The following IMMP2L variants were observed in gnomAD, a reference collection of about 807,000 sequenced individuals.
The protein encoded by IMMP2L is inner mitochondrial membrane peptidase subunit 2, also known as mitochondrial inner membrane protease subunit 2.
In IMMP2L, 18 loss-of-function variants were observed where a neutral mutation model predicts 19.3. The observed-to-expected ratio is 0.93, with a 90% CI of 0.64 to 1.38. The LOEUF is 1.38. Ranked by LOEUF, IMMP2L falls within the 40% of genes most tolerant of loss-of-function variation. The pLI, the probability that IMMP2L is intolerant of heterozygous loss-of-function variation, is 0.00. For synonymous variants in IMMP2L, 76 were observed against 73.0 expected (o/e 1.04, Z -0.21); for missense variants, 233 against 218.2 (o/e 1.07, Z -0.43).
chr7:111,122,608 T>G, intron 3 of IMMP2L: 1 of 602,406 alleles, frequency 1.7e-6, no homozygotes, highest in Non-Finnish European at 3.0e-6. Flanking sequence ...ACAATGCAAT[T>G]GTGGCACTGG....
At chr7:110,815,023 G>A (rs565134127) in intron 5 of IMMP2L, among the ~76,000 whole-genome samples, 57 of 152,110 alleles carry the variant, frequency 3.7e-4, no homozygotes, top group Middle Eastern at 3.4e-3. Flanking sequence ...GTGAGATGCC[G>A]AGAGAGGGCT....
chr7:110,777,749 T>C (rs1799489720), intron 5 of IMMP2L, among the ~76,000 whole-genome samples: 2 of 152,124 alleles, frequency 1.3e-5, no homozygotes, highest in Admixed American at 6.6e-5. Context: ...AATTTCCATA[T>C]TGACAGTTAC....
intron 3 of IMMP2L, among the ~76,000 whole-genome samples, chr7:111,468,549 G>A (rs1172096083): frequency 6.6e-6 from 1 of 151,998 alleles, no homozygotes; most frequent in African/African-American, 2.4e-5. Context: ...AGAATGTCTA[G>A]AGTTAAAGAT....
chr7:111,456,244 T>A (rs1839665911), intron 3 of IMMP2L, among the ~76,000 whole-genome samples: 1 of 152,004 alleles, frequency 6.6e-6, no homozygotes, highest in African/African-American at 2.4e-5. Context: ...TGGTTTGGTC[T>A]CTAGCAGAAG....
At chr7:111,371,097 A>G (rs1830222850) in intron 3 of IMMP2L, among the ~76,000 whole-genome samples, 1 of 151,948 alleles carries the variant, frequency 6.6e-6, no homozygotes, top group Non-Finnish European at 1.5e-5. Context: ...GGGGCTACAG[A>G]AAGGATACAT....
At chr7:111,397,951 A>AT (rs1484892855) in intron 3 of IMMP2L, among the ~76,000 whole-genome samples, 1 of 152,152 alleles carries the variant, frequency 6.6e-6, no homozygotes, top group Admixed American at 6.5e-5. Flanking sequence ...CTACTATGAA[A>AT]TAATTCATTT....
At chr7:111,176,096 A>G (rs889207807) in intron 3 of IMMP2L, among the ~76,000 whole-genome samples, 1 of 152,006 alleles carries the variant, frequency 6.6e-6, no homozygotes, top group South Asian at 2.1e-4. Context: ...AGTTCAAATG[A>G]CTTTATCTGA....
In IMMP2L at chr7:110,944,472, C is replaced by CGT. The variant is rs994968401; in HGVS notation, c.305+19026_305+19027dup. ...TAGAGTGTGTGTGTGTGCGCGCGCA[C>CGT]GTGTGTGTGTGCGCGTGTGTGTGTA... On this transcript the variant is annotated intron_variant, in intron 4 of 5. Transcript: ENST00000405709. Among the ~76,000 whole-genome samples, 3 of 151,132 alleles carry CGT rather than the reference C, an allele frequency of 2.0e-5. No homozygotes were observed. The Admixed American group carries it at 2.0e-4, about 10-fold the overall frequency.
intron 1 of IMMP2L, among the ~76,000 whole-genome samples, chr7:111,524,161 T>C (rs1846613448): frequency 6.6e-6 from 1 of 152,080 alleles, no homozygotes; most frequent in Non-Finnish European, 1.5e-5. Flanking sequence ...AAAACACTTC[T>C]AACCACAGGT....
At chr7:110,863,430 G>T (rs1324868019) in intron 5 of IMMP2L, among the ~76,000 whole-genome samples, 1 of 152,092 alleles carries the variant, frequency 6.6e-6, no homozygotes, top group Non-Finnish European at 1.5e-5. Flanking sequence ...TGGCATACTG[G>T]CAGACTTACA....
chr7:110,685,187 T>G (rs1793027569), intron 5 of IMMP2L, among the ~76,000 whole-genome samples: 1 of 152,048 alleles, frequency 6.6e-6, no homozygotes, highest in African/African-American at 2.4e-5. Context: ...AGCACCATAA[T>G]GTAAAGACAG....
At chr7:111,557,642 G>C (rs1300199501) in intron 1 of IMMP2L, among the ~76,000 whole-genome samples, 2 of 152,118 alleles carry the variant, frequency 1.3e-5, no homozygotes, top group African/African-American at 4.8e-5. Flanking sequence ...GATTTCATTT[G>C]TACTTGTACC....
chr7:110,972,843 A>G (rs536370934), intron 3 of IMMP2L, among the ~76,000 whole-genome samples: 1 of 152,110 alleles, frequency 6.6e-6, no homozygotes, highest in Non-Finnish European at 1.5e-5. Context: ...ACAGATCTTC[A>G]AAGTTGCTAT....
intron 3 of IMMP2L, among the ~76,000 whole-genome samples, chr7:111,193,903 T>C (rs746661628): frequency 1.3e-5 from 2 of 152,178 alleles, no homozygotes; most frequent in Admixed American, 1.3e-4. Flanking sequence ...TACTCATCAA[T>C]TGACCTTACA....
At chr7:111,403,985 C>T (rs1833696822) in intron 3 of IMMP2L, among the ~76,000 whole-genome samples, 1 of 152,082 alleles carries the variant, frequency 6.6e-6, no homozygotes, top group African/African-American at 2.4e-5. Flanking sequence ...CCCCCACAAA[C>T]ACATATACTA....
chr7:110,859,788 T>C (rs2129542600), intron 5 of IMMP2L, among the ~76,000 whole-genome samples: 1 of 152,042 alleles, frequency 6.6e-6, no homozygotes, highest in East Asian at 1.9e-4. Flanking sequence ...AGTATACAGT[T>C]GTGCAAATAA....
chr7:110,909,874 T>A (rs150724200), intron 4 of IMMP2L, among the ~76,000 whole-genome samples: 2 of 150,426 alleles, frequency 1.3e-5, no homozygotes, highest in African/African-American at 4.9e-5. Flanking sequence ...TAGAAAAGCA[T>A]CAGTGTTAAA....
At chr7:111,549,399 T>C (rs1849234094) in intron 1 of IMMP2L, among the ~76,000 whole-genome samples, 1 of 152,188 alleles carries the variant, frequency 6.6e-6, no homozygotes, top group African/African-American at 2.4e-5. Flanking sequence ...CATGTTCACA[T>C]AGGTAATAAC....
In IMMP2L at chr7:111,123,497, CTT is replaced by C; in HGVS notation, c.240-159934_240-159933del. 1 of 1,613,836 alleles carries C rather than the reference CTT, an allele frequency of 6.2e-7. No individual in the cohort carries two copies. The highest frequency in any genetic ancestry group is 8.5e-7 in the Non-Finnish European group (1 of 1,179,916). On this transcript the variant is annotated intron_variant, in intron 3 of 5. Coordinates refer to ENST00000405709, the MANE Select transcript of IMMP2L (RefSeq NM_032549.4). This position sits in a 1 kb window ranked among gnomAD's most constrained non-coding sequence, Gnocchi z 6.4. Reference sequence around the variant, plus strand: ...GGACTGGAAAACTTAGAAAGCATCTCTTTTTACGATAACAGGCTTATTAAAGT... The same window carrying C: ...GGACTGGAAAACTTAGAAAGCATCTCTTTACGATAACAGGCTTATTAAAGT...
Sources: allele counts gnomAD v4.1 joint callset (sites outside exome capture counted in the v4.1 genomes callset), GRCh38; gene constraint gnomAD v4.1.1; non-coding constraint Gnocchi (gnomAD v3.1); transcripts MANE v1.5; gene names NCBI Gene and HGNC (gene_info 2026-07-23, HGNC 2026-07-21).